Variants in TMPRSS7 observed in about 807,000 individuals in gnomAD.
TMPRSS7 encodes transmembrane protease serine 7.
Under a neutral mutation model 95.6 loss-of-function variants are expected in TMPRSS7, and 81 were observed. That is an observed-to-expected ratio of 0.85 (90% confidence interval 0.71 to 1.02). The LOEUF (loss-of-function observed/expected upper bound fraction) is 1.02. TMPRSS7 is among the 50% of genes least tolerant of loss of function. The pLI is 0.00. For missense variants in TMPRSS7, 945 were observed against 955.2 expected, an observed-to-expected ratio of 0.99 and a Z score of 0.14; for synonymous variants, 364 against 337.8, an observed-to-expected ratio of 1.08 and a Z score of -0.85.
intron 12 of TMPRSS7, among the ~76,000 whole-genome samples, chr3:112,064,179 T>C (rs904020184): frequency 1.2e-4 from 18 of 152,184 alleles, no homozygotes; most frequent in African/African-American, 4.3e-4. Flanking sequence ...TGGCTAATAA[T>C]TTAATTTACC....
intron 17 of TMPRSS7, 29 bp from the exon 18 acceptor site, chr3:112,080,885 C>T: frequency 6.3e-7 from 1 of 1,597,026 alleles, no homozygotes. Context: ...GACCAATTTA[C>T]TTTATACTTA....
intron 9 of TMPRSS7, among the ~76,000 whole-genome samples, chr3:112,053,240 GT>G (rs1162150597): frequency 2.0e-5 from 3 of 150,892 alleles, no homozygotes; most frequent in Non-Finnish European, 2.9e-5. Context: ...TATGACAAAA[GT>G]TTTTTACACA....
At chr3:112,071,956 T>A (rs371747697) in intron 13 of TMPRSS7, among the ~76,000 whole-genome samples, 1 of 152,372 alleles carries the variant, frequency 6.6e-6, no homozygotes, top group East Asian at 1.9e-4. Context: ...TGTCAACTTG[T>A]CAAAGTAATT....
chr3:112,079,642 C>T (rs778710957), intron 17 of TMPRSS7, among the ~76,000 whole-genome samples: 1 of 152,074 alleles, frequency 6.6e-6, no homozygotes, highest in Non-Finnish European at 1.5e-5. Flanking sequence ...ATTGCATACT[C>T]CTGATTTAGA....
intron 1 of TMPRSS7, among the ~76,000 whole-genome samples, chr3:112,035,631 G>C (rs2073145711): frequency 1.3e-5 from 2 of 152,164 alleles, no homozygotes; most frequent in Admixed American, 1.3e-4. Context: ...ATTCCATATT[G>C]TTGCCTTTAA....
chr3:112,065,111 G>T (rs1034049095), intron 12 of TMPRSS7, among the ~76,000 whole-genome samples: 5 of 152,162 alleles, frequency 3.3e-5, no homozygotes, highest in Admixed American at 3.3e-4. Flanking sequence ...TGTGATCATA[G>T]CTCACTGCAG....
intron 10 of TMPRSS7, among the ~76,000 whole-genome samples, chr3:112,059,509 A>G (rs2073474338): frequency 3.3e-5 from 5 of 152,144 alleles, no homozygotes; most frequent in South Asian, 2.1e-4. Flanking sequence ...AGGAAACTCT[A>G]CTAAATGTTA....
exon 5 of TMPRSS7, chr3:112,045,863 T>G: frequency 6.4e-7 from 1 of 1,551,834 alleles, no homozygotes; most frequent in Non-Finnish European, 8.7e-7. Context: ...AAGGACTCCA[T>G]CCAGACAAGC....
At chr3:112,044,024 T>C (rs575239161) in intron 3 of TMPRSS7, among the ~76,000 whole-genome samples, 1 of 152,358 alleles carries the variant, frequency 6.6e-6, no homozygotes, top group Non-Finnish European at 1.5e-5. Flanking sequence ...AATAAATGAC[T>C]TTTCACTGAT....
chr3:112,078,633 GC>G, intron 16 of TMPRSS7, 108 bp from the exon 17 acceptor site: 1 of 1,391,596 alleles, frequency 7.2e-7, no homozygotes, highest in African/African-American at 1.4e-5. Flanking sequence ...CAAGGGAATT[GC>G]CGCTATGAGG....
chr3:112,080,958 A>C (rs777781735), exon 18 of TMPRSS7: 2 of 1,613,840 alleles, frequency 1.2e-6, no homozygotes, highest in Non-Finnish European at 1.7e-6. Flanking sequence ...AAAGTGATGG[A>C]AAATGGATTT....
chr3:112,058,385 CG>C (rs2073458440), intron 10 of TMPRSS7, among the ~76,000 whole-genome samples: 1 of 152,136 alleles, frequency 6.6e-6, no homozygotes, highest in African/African-American at 2.4e-5. Flanking sequence ...CCAGCTCTAT[CG>C]TTTAGTAGCT....
intron 1 of TMPRSS7, 79 bp from the exon 2 acceptor site, chr3:112,037,993 A>C: frequency 1.5e-6 from 1 of 659,204 alleles, no homozygotes; most frequent in Non-Finnish European, 2.7e-6. Flanking sequence ...TTTAGTACCA[A>C]CATCTCCTGA....
rs551023849 is a variant in TMPRSS7, at chr3:112,076,910, G to A, written c.1990G>A (p.Gly664Arg). The A allele has an allele frequency of 5.5e-5, 88 of 1,614,152 alleles. 1 individual carries two copies. In the South Asian group the frequency reaches 5.9e-4, roughly 11 times the overall value. ...TCCCACACCATGGACTGCACACCTC[G>A]GGATGTATGTTCAGGGGAATGCCAA... Residue 664 changes from glycine (G) to arginine (R), a missense_variant, in exon 16 of 18, where the codon GGG (glycine) becomes AGG (arginine). Coordinates refer to ENST00000452346, the Ensembl canonical transcript of TMPRSS7.
At chr3:112,053,722 C>T (rs1238232747) in intron 9 of TMPRSS7, among the ~76,000 whole-genome samples, 4 of 152,284 alleles carry the variant, frequency 2.6e-5, no homozygotes, top group Admixed American at 6.5e-5. Context: ...GAATCATTTG[C>T]TAGGGATCAC....
In TMPRSS7 at chr3:112,077,239, A is replaced by G. The variant is rs150922979; in HGVS notation, c.2224+95A>G. On this transcript the variant is annotated intron_variant, in intron 16 of 17. Coordinates refer to ENST00000452346, the Ensembl canonical transcript of TMPRSS7. Reference sequence around the variant, plus strand: ...GGGTTCACAGAGAGGGTTTGTGTATATGATCTCCTTTGAACCTCCTGACAA... The same window carrying G: ...GGGTTCACAGAGAGGGTTTGTGTATGTGATCTCCTTTGAACCTCCTGACAA... The G allele has an allele frequency of 1.7e-4, 235 of 1,412,152 alleles. 2 individuals carry two copies. In the East Asian group the frequency reaches 5.6e-3, roughly 33 times the overall value. 87.5% of individuals were successfully genotyped at this position (1,412,152 alleles called of 1,614,324 possible). A position where few individuals can be genotyped will look rare whatever the true frequency, so the allele number is the denominator to read the frequency against.
At chr3:112,076,189 C>A (rs553018014) in intron 15 of TMPRSS7, among the ~76,000 whole-genome samples, 1 of 152,256 alleles carries the variant, frequency 6.6e-6, no homozygotes, top group East Asian at 1.9e-4. Flanking sequence ...AATTTTGGGG[C>A]TTCCTCATTT....
chr3:112,069,084 G>A (rs772527800), intron 13 of TMPRSS7, among the ~76,000 whole-genome samples: 23 of 152,172 alleles, frequency 1.5e-4, no homozygotes, highest in Admixed American at 6.5e-4. Flanking sequence ...AGATAATCAC[G>A]TGGTTTTTGT....
intron 3 of TMPRSS7, among the ~76,000 whole-genome samples, chr3:112,043,862 ATGG>A (rs1372064436): frequency 6.6e-6 from 1 of 152,202 alleles, no homozygotes; most frequent in African/African-American, 2.4e-5. Flanking sequence ...CCTTAAGAAT[ATGG>A]TCGACGCTGG....
Sources: allele counts gnomAD v4.1 joint callset (sites outside exome capture counted in the v4.1 genomes callset), GRCh38; gene constraint gnomAD v4.1.1; transcripts MANE v1.5; gene names NCBI Gene and HGNC (gene_info 2026-07-23, HGNC 2026-07-21).